The following ADAM18 variants were observed in gnomAD, a reference collection of about 807,000 sequenced individuals.
ADAM18 encodes disintegrin and metalloproteinase domain-containing protein 18.
Under a neutral mutation model 94.4 loss-of-function variants are expected in ADAM18, and 117 were observed. The ratio of observed to expected loss-of-function variants is 1.24; its 90% confidence interval spans 1.07 to 1.45. The LOEUF (loss-of-function observed/expected upper bound fraction) is 1.45. Among genes scored for constraint, ADAM18 ranks in the 40% most tolerant of loss-of-function variants. The probability of loss-of-function intolerance (pLI) is 0.00; values close to 1 mark genes in which losing one functional copy is unlikely to be tolerated. For synonymous variants in ADAM18, 327 were observed against 291.6 expected, an observed-to-expected ratio of 1.12 and a Z score of -1.24; for missense variants, 936 against 880.0, an observed-to-expected ratio of 1.06 and a Z score of -0.81.
At position 39,729,890 on chromosome 8, in the gene ADAM18, C is replaced by T; in HGVS notation, c.2178-8C>T. 1 of 1,611,998 alleles carries T rather than the reference C, an allele frequency of 6.2e-7. No homozygotes were observed. Among genetic ancestry groups the T allele is most frequent in the Non-Finnish European group, 8.5e-7 (1 of 1,178,238 alleles). The stretch of plus-strand genomic sequence containing the variant: ...AATTTCTATTTTTTCTGTTTTTCTT[C>T]ACTATAGTAATTCATCCGTTGTATC... On this transcript the variant is annotated splice_polypyrimidine_tract_variant and splice_region_variant and intron_variant, in intron 19 of 19. Coordinates refer to ENST00000265707, the MANE Select transcript of ADAM18 (RefSeq NM_014237.3).
chr8:39,671,149 G>A (rs1821144691), intron 14 of ADAM18, among the ~76,000 whole-genome samples: 1 of 152,208 alleles, frequency 6.6e-6, no homozygotes, highest in Non-Finnish European at 1.5e-5. Context: ...GGTAATGAGA[G>A]TGGAGTGAGT....
At chr8:39,679,122 C>T (rs1406758532) in intron 15 of ADAM18, among the ~76,000 whole-genome samples, 1 of 152,094 alleles carries the variant, frequency 6.6e-6, no homozygotes, top group Non-Finnish European at 1.5e-5. Flanking sequence ...GGTTCTGGCT[C>T]TTAATCTCAT....
At chr8:39,696,858 G>A (rs943182025) in intron 17 of ADAM18, among the ~76,000 whole-genome samples, 1 of 151,480 alleles carries the variant, frequency 6.6e-6, no homozygotes, top group African/African-American at 2.4e-5. Flanking sequence ...AGTGCCTTGG[G>A]ATTCCATATG....
rs1821263444 is a variant in ADAM18 at position 39,675,019 on chromosome 8, T to C, written c.1526-2412T>C. Among the ~76,000 whole-genome samples, 3 of 152,252 alleles carry C rather than the reference T, an allele frequency of 2.0e-5. No individual in the cohort carries two copies. The South Asian group carries it at 6.2e-4, about 32-fold the overall frequency. On this transcript the variant is annotated intron_variant, in intron 14 of 19. Transcript: ENST00000265707. ...TGTTAGTCTGATGGGCTTCCCTTTG[T>C]AGGTAACCTGAACTTTCTCTCTGGC...
At chr8:39,632,309 C>A (rs1563283114) in intron 7 of ADAM18, among the ~76,000 whole-genome samples, 1 of 151,950 alleles carries the variant, frequency 6.6e-6, no homozygotes. Flanking sequence ...CCCTAACTTG[C>A]AGATTAACCA....
intron 7 of ADAM18, among the ~76,000 whole-genome samples, chr8:39,636,223 T>C (rs1026285451): frequency 6.6e-6 from 1 of 152,078 alleles, no homozygotes; most frequent in Non-Finnish European, 1.5e-5. Flanking sequence ...AGTCTCACCA[T>C]GTTGTCCACG....
intron 13 of ADAM18, among the ~76,000 whole-genome samples, chr8:39,665,783 G>C (rs2129580156): frequency 6.6e-6 from 1 of 151,960 alleles, no homozygotes; most frequent in South Asian, 2.1e-4. Context: ...CATGTGTAGT[G>C]AATAATTCTT....
chr8:39,689,337 T>G (rs1821702715), intron 16 of ADAM18, among the ~76,000 whole-genome samples: 1 of 152,242 alleles, frequency 6.6e-6, no homozygotes, highest in East Asian at 1.9e-4. Context: ...GTTTTACATT[T>G]AAATCTTTAA....
At chr8:39,584,764 C>A in intron 1 of ADAM18, 87 bp downstream of exon 1, 1 of 1,446,188 alleles carries the variant, frequency 6.9e-7, no homozygotes, top group Non-Finnish European at 9.6e-7. Context: ...CATTCTGGGA[C>A]CCTCCCCCTC....
chr8:39,661,621 G>C (rs1278041997), intron 12 of ADAM18, among the ~76,000 whole-genome samples: 2 of 151,890 alleles, frequency 1.3e-5, no homozygotes, highest in Admixed American at 6.6e-5. Flanking sequence ...ACCATGCCAA[G>C]ACTATAAAAC....
chr8:39,691,192 G>C (rs902522694), intron 16 of ADAM18, among the ~76,000 whole-genome samples: 3 of 151,844 alleles, frequency 2.0e-5, no homozygotes, highest in Non-Finnish European at 4.4e-5. Context: ...AGTTTATAAG[G>C]TACAATGTAC....
At chr8:39,711,897 A>G (rs1019333477) in intron 18 of ADAM18, among the ~76,000 whole-genome samples, 3 of 152,134 alleles carry the variant, frequency 2.0e-5, no homozygotes, top group African/African-American at 4.8e-5. Context: ...AATCATAAAT[A>G]TACAAATCCA....
At chr8:39,619,911 G>A (rs1447782413) in intron 6 of ADAM18, among the ~76,000 whole-genome samples, 1 of 151,952 alleles carries the variant, frequency 6.6e-6, no homozygotes, top group Admixed American at 6.6e-5. Context: ...TATGCAACAA[G>A]AGAACACCCC....
chr8:39,653,810 TTTTC>T (rs1308839829), intron 12 of ADAM18, among the ~76,000 whole-genome samples: 4 of 152,236 alleles, frequency 2.6e-5, no homozygotes, highest in African/African-American at 9.6e-5. Context: ...CTGGGGTATA[TTTTC>T]TTTGTGTTGG....
chr8:39,590,475 A>G (rs920737997), intron 2 of ADAM18, among the ~76,000 whole-genome samples: 7 of 152,222 alleles, frequency 4.6e-5, no homozygotes, highest in African/African-American at 1.7e-4. Context: ...TGGGAGATCT[A>G]CCTAATGCTA....
chr8:39,633,420 T>A (rs1415329721), intron 7 of ADAM18, among the ~76,000 whole-genome samples: 1 of 152,192 alleles, frequency 6.6e-6, no homozygotes, highest in African/African-American at 2.4e-5. Flanking sequence ...AAGTTGTGAA[T>A]CTTTTTAGAG....
chr8:39,699,854 GA>G (rs1265202108), intron 17 of ADAM18, among the ~76,000 whole-genome samples: 1 of 152,094 alleles, frequency 6.6e-6, no homozygotes, highest in African/African-American at 2.4e-5. Context: ...GAAAAATCTT[GA>G]AATTTCTGAT....
At chr8:39,647,719 C>T (rs1184879041) in intron 11 of ADAM18, among the ~76,000 whole-genome samples, 3 of 152,148 alleles carry the variant, frequency 2.0e-5, no homozygotes, top group Non-Finnish European at 2.9e-5. Context: ...TTTATTGAGT[C>T]TAGAGAATGG....
At chr8:39,638,405 A>C in intron 9 of ADAM18, 60 bp from the exon 10 acceptor site, 1 of 1,181,970 alleles carries the variant, frequency 8.5e-7, no homozygotes. Flanking sequence ...GTTTAATTTA[A>C]TACATAAGCT....
Sources: allele counts gnomAD v4.1 joint callset (sites outside exome capture counted in the v4.1 genomes callset), GRCh38; gene constraint gnomAD v4.1.1; transcripts MANE v1.5; gene names NCBI Gene and HGNC (gene_info 2026-07-23, HGNC 2026-07-21).